UBE3A: variants seen among roughly 807,000 people sequenced by gnomAD.
UBE3A encodes the protein ubiquitin-protein ligase E3A.
UBE3A carries 6 observed loss-of-function variants against 83.4 expected under a neutral mutation model. The observed-to-expected ratio is 0.07, with a 90% CI of 0.04 to 0.14. The LOEUF (loss-of-function observed/expected upper bound fraction) is 0.14. Ranked by LOEUF, UBE3A falls within the 10% of genes least tolerant of loss-of-function variation. The pLI, the probability that UBE3A is intolerant of heterozygous loss-of-function variation, is 1.00. For synonymous variants in UBE3A, 337 were observed against 355.4 expected (o/e 0.95, Z 0.58); for missense variants, 456 against 1,036.1 (o/e 0.44, Z 7.69).
At chr15:25,411,642 T>G (rs1175040055) in intron 2 of UBE3A, among the ~76,000 whole-genome samples, 5 of 152,042 alleles carry the variant, frequency 3.3e-5, no homozygotes, top group African/African-American at 1.2e-4. Context: ...TGAAAGCTAT[T>G]ATTAATACTC....
intron 1 of UBE3A, among the ~76,000 whole-genome samples, chr15:25,412,288 C>T (rs894125303): frequency 6.6e-6 from 1 of 152,074 alleles, no homozygotes; most frequent in African/African-American, 2.4e-5. Flanking sequence ...TGACTATATC[C>T]CTCTAATCCT....
intron 1 of UBE3A, among the ~76,000 whole-genome samples, chr15:25,416,797 C>G (rs1596364983): frequency 6.6e-6 from 1 of 152,072 alleles, no homozygotes; most frequent in Non-Finnish European, 1.5e-5. Context: ...TAACAGGCAG[C>G]AGAGGACTAT....
intron 2 of UBE3A, among the ~76,000 whole-genome samples, chr15:25,410,753 T>C (rs1216076981): frequency 2.0e-5 from 3 of 152,204 alleles, no homozygotes; most frequent in Non-Finnish European, 4.4e-5. Flanking sequence ...ATGGGATTTA[T>C]AGTATCTGTA....
intron 4 of UBE3A, among the ~76,000 whole-genome samples, chr15:25,404,243 A>G (rs2087891625): frequency 6.6e-6 from 1 of 152,162 alleles, no homozygotes; most frequent in East Asian, 1.9e-4. Context: ...CAGTAAAAAA[A>G]TCTTGATTTT....
At chr15:25,359,938 T>G (rs959926566) in intron 7 of UBE3A, among the ~76,000 whole-genome samples, 2 of 152,168 alleles carry the variant, frequency 1.3e-5, no homozygotes. Flanking sequence ...ATAAACCTAA[T>G]TAATGTGATA....
intron 4 of UBE3A, among the ~76,000 whole-genome samples, chr15:25,390,779 T>C (rs2084166570): frequency 6.6e-6 from 1 of 152,054 alleles, no homozygotes; most frequent in Admixed American, 6.6e-5. Context: ...CTACGGACTT[T>C]GGGTAATTAT....
intron 1 of UBE3A, among the ~76,000 whole-genome samples, chr15:25,432,646 A>G (rs763069844): frequency 2.3e-4 from 35 of 152,236 alleles, no homozygotes; most frequent in Non-Finnish European, 4.3e-4. Context: ...TTCTATAACT[A>G]AAGTCTGTGC....
intron 6 of UBE3A, among the ~76,000 whole-genome samples, chr15:25,364,916 G>A (rs958989271): frequency 6.6e-6 from 1 of 152,050 alleles, no homozygotes; most frequent in Non-Finnish European, 1.5e-5. Flanking sequence ...AAAGTGCTGG[G>A]ATTACAGGTG....
chr15:25,378,028 G>A (rs2081508319), intron 4 of UBE3A, among the ~76,000 whole-genome samples: 1 of 151,922 alleles, frequency 6.6e-6, no homozygotes, highest in Non-Finnish European at 1.5e-5. Context: ...TCTTTCCATA[G>A]TAAGGATGCT....
At chr15:25,345,191 G>GGCCAATCT (rs1320307030) in intron 11 of UBE3A, among the ~76,000 whole-genome samples, 5 of 152,040 alleles carry the variant, frequency 3.3e-5, no homozygotes, top group African/African-American at 1.2e-4. Flanking sequence ...GGAAAGCACA[G>GGCCAATCT]GCCAATCTGA....
chr15:25,435,349 G>A (rs1295248279), intron 1 of UBE3A, among the ~76,000 whole-genome samples: 1 of 152,026 alleles, frequency 6.6e-6, no homozygotes, highest in Non-Finnish European at 1.5e-5. Context: ...TCAGCTCATA[G>A]AAGCCACAGG....
At position 25,370,166 on chromosome 15, in the gene UBE3A, A is replaced by G. The variant is rs1440594639; in HGVS notation, c.1608+400T>C. ...CGATGGAATTTTTTGGACACTACCT[A>G]TAATTTTATGGTATGGTTTTACTGT... is the stretch of plus-strand genomic sequence containing the variant. On this transcript the variant is annotated intron_variant, in intron 6 of 12. Coordinates refer to ENST00000648336, the MANE Select transcript of UBE3A (RefSeq NM_130839.5). This position sits in a 1 kb window ranked among gnomAD's most constrained non-coding sequence, Gnocchi z 4.2. Among the ~76,000 whole-genome samples the G allele has an allele frequency of 1.3e-5, 2 of 152,166 alleles. No individual in the cohort carries two copies. Among genetic ancestry groups the G allele is most frequent in the Non-Finnish European group, 2.9e-5 (2 of 68,036 alleles).
chr15:25,416,293 A>G (rs1024567662), intron 1 of UBE3A, among the ~76,000 whole-genome samples: 3 of 152,184 alleles, frequency 2.0e-5, no homozygotes, highest in African/African-American at 7.2e-5. Flanking sequence ...ACTATGGCAT[A>G]TTCTTAAAAT....
rs1595360076 is a variant in UBE3A at position 25,339,077 on chromosome 15, T to G, written c.*60A>C. ...TATCCCTCGTTATATTTTTAAAATT[T>G]TTTAAATTTTTTCTTTTTTTTTCCT... On this transcript the variant is annotated 3_prime_UTR_variant, in exon 13 of 13. Coordinates refer to ENST00000648336, the MANE Select transcript of UBE3A (RefSeq NM_130839.5). The G allele has an allele frequency of 2.7e-5, 39 of 1,469,462 alleles. No homozygotes were observed. In the South Asian group the frequency reaches 4.9e-4, roughly 18 times the overall value. 91.0% of individuals were successfully genotyped at this position (1,469,462 alleles called of 1,614,324 possible). A position where few individuals can be genotyped will look rare whatever the true frequency, so the allele number is the denominator to read the frequency against.
intron 5 of UBE3A, chr15:25,373,981 T>C (rs2080756743): frequency 6.6e-6 from 1 of 152,212 alleles, no homozygotes; most frequent in Non-Finnish European, 1.5e-5. Context: ...AAAAACCTCC[T>C]ACGCAAAAAC....
At chr15:25,375,863 G>A (rs2081118031) in intron 4 of UBE3A, 100 bp from the exon 5 acceptor site, 3 of 1,347,522 alleles carry the variant, frequency 2.2e-6, no homozygotes, top group East Asian at 2.3e-5. Context: ...GCACTGAAGT[G>A]ATTAACCTGT....
chr15:25,357,085 G>A (rs545444192), intron 7 of UBE3A, among the ~76,000 whole-genome samples, 189 bp from the exon 8 acceptor site: 1 of 152,180 alleles, frequency 6.6e-6, no homozygotes, highest in East Asian at 1.9e-4. Context: ...GCTATAAATT[G>A]GGGTGAATGG....
intron 4 of UBE3A, among the ~76,000 whole-genome samples, chr15:25,402,616 T>C (rs2087439991): frequency 1.3e-5 from 2 of 152,132 alleles, no homozygotes; most frequent in South Asian, 2.1e-4. Context: ...GGGGCCTGCC[T>C]AGCATTGAGT....
intron 1 of UBE3A, among the ~76,000 whole-genome samples, chr15:25,425,208 CA>C (rs1890981624): frequency 6.6e-6 from 1 of 152,018 alleles, no homozygotes; most frequent in Admixed American, 6.6e-5. Flanking sequence ...AACCCACACA[CA>C]AAAGGACACA....
Sources: gnomAD v4.1 joint callset for allele counts (sites outside exome capture counted in the v4.1 genomes callset) on GRCh38, gnomAD v4.1.1 for gene constraint, Gnocchi (gnomAD v3.1) non-coding constraint, MANE v1.5 for transcripts, NCBI Gene and HGNC (gene_info 2026-07-23, HGNC 2026-07-21) for gene names.